FBXO16: variants seen among roughly 807,000 people sequenced by gnomAD.
The protein encoded by FBXO16 is F-box protein 16, also known as F-box only protein 16.
FBXO16 carries 31 observed loss-of-function variants against 41.0 expected under a neutral mutation model. The observed-to-expected ratio is 0.76, with a 90% CI of 0.57 to 1.02. The LOEUF (loss-of-function observed/expected upper bound fraction) is 1.02. Among genes scored for constraint, FBXO16 ranks in the 50% least tolerant of loss-of-function variants. The pLI is 0.00. For missense variants in FBXO16, 361 were observed against 346.2 expected (o/e 1.04, Z -0.34); for synonymous variants, 133 against 117.8 (o/e 1.13, Z -0.84).
chr8:28,435,945 T>C (rs1802681192), intron 7 of FBXO16, among the ~76,000 whole-genome samples: 1 of 152,190 alleles, frequency 6.6e-6, no homozygotes, highest in South Asian at 2.1e-4. Flanking sequence ...TGTATATAAA[T>C]ATGGATTATT....
At chr8:28,430,410 G>T (rs1418879284) in intron 7 of FBXO16, among the ~76,000 whole-genome samples, 1 of 152,166 alleles carries the variant, frequency 6.6e-6, no homozygotes, top group African/African-American at 2.4e-5. Flanking sequence ...ATCGACAGGT[G>T]TCTGCCTATA....
At chr8:28,442,665 T>C (rs1175405377) in intron 7 of FBXO16, among the ~76,000 whole-genome samples, 2 of 152,164 alleles carry the variant, frequency 1.3e-5, no homozygotes, top group Non-Finnish European at 2.9e-5. Flanking sequence ...ATTACAGGTG[T>C]GAGCCACCTC....
intron 5 of FBXO16, among the ~76,000 whole-genome samples, chr8:28,452,935 TATC>T (rs1554525998): frequency 7.6e-6 from 1 of 132,420 alleles, no homozygotes; most frequent in East Asian, 2.5e-4. Flanking sequence ...AAAAAAGGAA[TATC>T]ATCATCATCA....
intron 5 of FBXO16, among the ~76,000 whole-genome samples, chr8:28,456,154 T>C (rs1803034844): frequency 6.6e-6 from 1 of 152,130 alleles, no homozygotes; most frequent in South Asian, 2.1e-4. Context: ...GCTGGGACTA[T>C]ACGAATGAAT....
chr8:28,455,916 C>T (rs529542343), intron 5 of FBXO16: 17 of 152,118 alleles, frequency 1.1e-4, no homozygotes, highest in African/African-American at 3.6e-4. Flanking sequence ...AGCTAGGAGT[C>T]GACTGTTCAT....
intron 3 of FBXO16, among the ~76,000 whole-genome samples, chr8:28,468,555 C>A (rs1040391271): frequency 1.3e-5 from 2 of 152,054 alleles, no homozygotes; most frequent in African/African-American, 4.8e-5. Flanking sequence ...CAGGGCTGGG[C>A]GAGGTGGCTC....
chr8:28,463,250 G>C (rs1311746033), intron 4 of FBXO16, among the ~76,000 whole-genome samples: 1 of 151,196 alleles, frequency 6.6e-6, no homozygotes, highest in African/African-American at 2.4e-5. Context: ...GTACACGTTT[G>C]TGTGTTTGTG....
chr8:28,442,038 G>A (rs1185457313), intron 7 of FBXO16, among the ~76,000 whole-genome samples: 2 of 149,674 alleles, frequency 1.3e-5, no homozygotes, highest in Non-Finnish European at 3.0e-5. Context: ...CTGCCTCCCG[G>A]GTTAAAGCGA....
At chr8:28,454,227 A>G (rs1803000367) in intron 5 of FBXO16, among the ~76,000 whole-genome samples, 1 of 152,044 alleles carries the variant, frequency 6.6e-6, no homozygotes, top group South Asian at 2.1e-4. Context: ...CATAATTGAT[A>G]GCTCATTATT....
chr8:28,488,126 C>A (rs542641339), intron 1 of FBXO16, among the ~76,000 whole-genome samples: 14 of 152,122 alleles, frequency 9.2e-5, no homozygotes, highest in African/African-American at 3.4e-4. Context: ...GCTGGGATTA[C>A]AGGCATGAGC....
At chr8:28,485,277 C>A (rs1033075178) in intron 1 of FBXO16, among the ~76,000 whole-genome samples, 1 of 152,058 alleles carries the variant, frequency 6.6e-6, no homozygotes, top group African/African-American at 2.4e-5. Flanking sequence ...GGTTCAAGCG[C>A]TTCTCCTGGC....
rs753947477 is a variant in FBXO16, at chr8:28,429,401, C to T, written c.846G>A (p.Met282Ile). 6.8e-6 allele frequency: 11 copies of T among 1,613,804 alleles called. No homozygotes were observed. The African/African-American group carries it at 1.2e-4, about 18-fold the overall frequency. ...ACAGTGGGAAGGGATTTCTCCTCGA[C>T]ATCTGGCCGCGAGCAGGAAAGGGAA... is the stretch of plus-strand genomic sequence containing the variant. Reference protein sequence around the residue: ...RTRLRKAQSMMSRRNPFPLCP With the variant: ...RTRLRKAQSMISRRNPFPLCP Residue 282 changes from methionine to isoleucine, a missense_variant and splice_region_variant, in exon 8 of 9, where the codon ATG (methionine) becomes ATA (isoleucine). Physicochemically the swap from Met to Ile is conservative, Grantham distance 10. Transcript: ENST00000380254.
intron 7 of FBXO16, 135 bp downstream of exon 7, chr8:28,447,036 G>T: frequency 1.4e-6 from 1 of 699,020 alleles, no homozygotes; most frequent in African/African-American, 1.8e-5. Flanking sequence ...CTGCCAGTCA[G>T]TGTCAGAAAC....
At chr8:28,436,999 C>G (rs1313381386) in intron 7 of FBXO16, among the ~76,000 whole-genome samples, 1 of 152,190 alleles carries the variant, frequency 6.6e-6, no homozygotes, top group Non-Finnish European at 1.5e-5. Flanking sequence ...AGTGATCCCC[C>G]TGCCTCAGCC....
intron 1 of FBXO16, among the ~76,000 whole-genome samples, chr8:28,486,821 C>A (rs928582814): frequency 6.6e-6 from 1 of 151,978 alleles, no homozygotes. Flanking sequence ...GCCTGGGCAA[C>A]AGAGCAAGAC....
At chr8:28,433,260 T>C (rs942065938) in intron 7 of FBXO16, among the ~76,000 whole-genome samples, 2 of 152,220 alleles carry the variant, frequency 1.3e-5, no homozygotes, top group Admixed American at 6.5e-5. Context: ...ATAGTGTCTT[T>C]AAAGCGAAGG....
At chr8:28,454,885 C>T (rs1803014806) in intron 5 of FBXO16, among the ~76,000 whole-genome samples, 1 of 151,266 alleles carries the variant, frequency 6.6e-6, no homozygotes, top group Admixed American at 6.6e-5. Context: ...TGAGAATTTT[C>T]CTAATCATGA....
Position 28,484,899 on chromosome 8 carries a change from G to A in FBXO16, c.-16-1437C>T, listed in dbSNP as rs575280230. On this transcript the variant is annotated intron_variant, in intron 1 of 8. Coordinates refer to ENST00000380254, the MANE Select transcript of FBXO16 (RefSeq NM_172366.4). Reference sequence around the variant, plus strand: ...GTGAGCCACCGCGCCCGGCCAAGATGGAGTCTTGCTCTATCACCCAGGCTC... The same window carrying A: ...GTGAGCCACCGCGCCCGGCCAAGATAGAGTCTTGCTCTATCACCCAGGCTC... Among the ~76,000 whole-genome samples the A allele has an allele frequency of 3.3e-5, 5 of 150,284 alleles. No homozygotes were observed. In the South Asian group the frequency reaches 6.4e-4, roughly 19 times the overall value.
chr8:28,475,081 T>G (rs1803403626), intron 2 of FBXO16, among the ~76,000 whole-genome samples: 1 of 152,194 alleles, frequency 6.6e-6, no homozygotes, highest in Non-Finnish European at 1.5e-5. Context: ...GGGATTGATG[T>G]TTTTCCCTCC....
Sources: gnomAD v4.1 joint callset for allele counts (sites outside exome capture counted in the v4.1 genomes callset) on GRCh38, gnomAD v4.1.1 for gene constraint, MANE v1.5 for transcripts, NCBI Gene and HGNC (gene_info 2026-07-23, HGNC 2026-07-21) for gene names.